SDK1: variants seen among roughly 807,000 people sequenced by gnomAD.
SDK1 encodes the protein sidekick cell adhesion molecule 1.
SDK1 carries 157 observed loss-of-function variants against 245.5 expected under a neutral mutation model. The observed-to-expected ratio is 0.64, with a 90% confidence interval of 0.56 to 0.73. The LOEUF is 0.73. Among genes scored for constraint, SDK1 ranks in the 30% least tolerant of loss-of-function variants. The pLI, the probability that SDK1 is intolerant of heterozygous loss-of-function variation, is 0.00. For synonymous variants in SDK1, 1,647 were observed against 1,278.5 expected (o/e 1.29, Z -6.15); for missense variants, 3,583 against 3,002.3 (o/e 1.19, Z -4.52).
chr7:4,000,844 C>T lies in SDK1; in HGVS notation c.2132-10122C>T, dbSNP rs141460181. 5.5e-3 allele frequency among the ~76,000 whole-genome samples: 835 copies of T among 152,266 alleles called. 9 individuals are homozygous for T. Among genetic ancestry groups the T allele is most frequent in the African/African-American group, 0.019 (770 of 41,546 alleles). On this transcript the variant is annotated intron_variant, in intron 14 of 44. Transcript: ENST00000404826. Reference sequence around the variant, plus strand: ...TTTGGGCTTTTGCTTTTTAAGCCTCCCATGCATAGCATTTGTCCGCATTTT... The same window carrying T: ...TTTGGGCTTTTGCTTTTTAAGCCTCTCATGCATAGCATTTGTCCGCATTTT...
At chr7:3,607,597 A>T (rs1781462374) in intron 1 of SDK1, among the ~76,000 whole-genome samples, 1 of 152,236 alleles carries the variant, frequency 6.6e-6, no homozygotes. Context: ...CTTCTCTAGA[A>T]TTCTGAAGTA....
At chr7:3,575,114 C>A (rs1780242977) in intron 1 of SDK1, among the ~76,000 whole-genome samples, 1 of 152,074 alleles carries the variant, frequency 6.6e-6, no homozygotes, top group African/African-American at 2.4e-5. Context: ...CTGCCATAAC[C>A]AAATACCCTA....
At chr7:4,238,593 A>G (rs1267343324) in intron 42 of SDK1, among the ~76,000 whole-genome samples, 1 of 146,618 alleles carries the variant, frequency 6.8e-6, no homozygotes, top group Non-Finnish European at 1.5e-5. Context: ...ATGGAGTTTC[A>G]CTCTTGTTGC....
At chr7:3,662,824 A>G (rs576543994) in intron 4 of SDK1, among the ~76,000 whole-genome samples, 13 of 152,362 alleles carry the variant, frequency 8.5e-5, no homozygotes, top group African/African-American at 2.9e-4. Context: ...GGAAGTGCTC[A>G]TTGAAGCATT....
chr7:3,819,567 C>T (rs1779592631), intron 4 of SDK1, among the ~76,000 whole-genome samples: 1 of 151,780 alleles, frequency 6.6e-6, no homozygotes, highest in African/African-American at 2.4e-5. Flanking sequence ...TTTTAGCTGC[C>T]AGTGTAACAT....
chr7:3,429,418 C>T (rs1344939859), intron 1 of SDK1, among the ~76,000 whole-genome samples: 2 of 151,998 alleles, frequency 1.3e-5, no homozygotes, highest in Non-Finnish European at 2.9e-5. Context: ...AATCCAGGCC[C>T]TTTTAAATAT....
intron 14 of SDK1, among the ~76,000 whole-genome samples, chr7:3,993,701 C>G (rs1784510437): frequency 6.6e-6 from 1 of 152,188 alleles, no homozygotes; most frequent in Non-Finnish European, 1.5e-5. Flanking sequence ...AGCCCTTCCT[C>G]CAGGACTTGG....
At chr7:3,302,058 G>A (rs1358778646) in intron 1 of SDK1, among the ~76,000 whole-genome samples, 174 bp downstream of exon 1, 1 of 152,022 alleles carries the variant, frequency 6.6e-6, no homozygotes, top group Admixed American at 6.5e-5. Context: ...GGAGGAGAGG[G>A]AAACGGAGCC....
At chr7:4,242,400 G>A (rs1786585620) in intron 43 of SDK1, among the ~76,000 whole-genome samples, 1 of 152,160 alleles carries the variant, frequency 6.6e-6, no homozygotes, top group African/African-American at 2.4e-5. Flanking sequence ...AGGCGAGAAG[G>A]ATTTTCATCA....
At chr7:3,593,268 G>A (rs1420768594) in intron 1 of SDK1, among the ~76,000 whole-genome samples, 2 of 152,142 alleles carry the variant, frequency 1.3e-5, no homozygotes, top group African/African-American at 4.8e-5. Flanking sequence ...CTACATAGAA[G>A]CACTGCCCCT....
intron 1 of SDK1, among the ~76,000 whole-genome samples, chr7:3,407,663 C>T (rs1331304087): frequency 6.6e-6 from 1 of 152,092 alleles, no homozygotes; most frequent in Non-Finnish European, 1.5e-5. Context: ...TTATAAACTC[C>T]CAAGCTGGAT....
At chr7:3,815,023 TG>T (rs1779472674) in intron 4 of SDK1, among the ~76,000 whole-genome samples, 1 of 143,780 alleles carries the variant, frequency 7.0e-6, no homozygotes, top group Admixed American at 6.9e-5. Flanking sequence ...GCTGAGACAA[TG>T]GGGTTTTCTA....
chr7:3,379,276 C>T (rs1781427366), intron 1 of SDK1, among the ~76,000 whole-genome samples: 1 of 152,112 alleles, frequency 6.6e-6, no homozygotes, highest in East Asian at 1.9e-4. Context: ...GGGAGACAGG[C>T]ATTAAACAAT....
chr7:4,188,191 A>G (rs920211432), intron 35 of SDK1, among the ~76,000 whole-genome samples: 4 of 152,250 alleles, frequency 2.6e-5, no homozygotes, highest in Admixed American at 6.5e-5. Flanking sequence ...CACTAGCTGT[A>G]TATCTGCCTT....
At chr7:3,750,470 G>A (rs916228931) in intron 4 of SDK1, among the ~76,000 whole-genome samples, 4 of 152,130 alleles carry the variant, frequency 2.6e-5, no homozygotes, top group African/African-American at 7.2e-5. Flanking sequence ...CTTTATTTAG[G>A]ACCATTGCAA....
rs1239864924 is a variant in SDK1, at chr7:3,399,184, C to A, written c.298+97300C>A. ...TTCTTTTCCTCAGACCACATAATCT[C>A]AATGTATCTTTGAATTTGCTGGGTC... On this transcript the variant is annotated intron_variant, in intron 1 of 44. Transcript: ENST00000404826. Among the ~76,000 whole-genome samples, 3 of 152,008 alleles carry A rather than the reference C, an allele frequency of 2.0e-5. No homozygotes were observed. The East Asian group carries it at 5.8e-4, about 29-fold the overall frequency.
At chr7:3,921,816 A>G (rs1276875565) in intron 5 of SDK1, among the ~76,000 whole-genome samples, 1 of 151,934 alleles carries the variant, frequency 6.6e-6, no homozygotes, top group East Asian at 1.9e-4. Context: ...AATAAAAAAA[A>G]TCAGGTGGAC....
chr7:4,039,693 C>T (rs1788471081), intron 17 of SDK1, among the ~76,000 whole-genome samples: 1 of 152,112 alleles, frequency 6.6e-6, no homozygotes, highest in African/African-American at 2.4e-5. Flanking sequence ...CCCTACAGTC[C>T]TCTTTACTGA....
chr7:3,518,897 T>C (rs140597507), intron 1 of SDK1, among the ~76,000 whole-genome samples: 83 of 151,978 alleles, frequency 5.5e-4, no homozygotes, highest in African/African-American at 2.0e-3. Flanking sequence ...AAGTAACCCA[T>C]GTCCAACAAC....
Sources: gnomAD v4.1 joint callset for allele counts (sites outside exome capture counted in the v4.1 genomes callset) on GRCh38, gnomAD v4.1.1 for gene constraint, MANE v1.5 for transcripts, NCBI Gene and HGNC (gene_info 2026-07-23, HGNC 2026-07-21) for gene names.